The following GAB2 variants were observed in gnomAD, a reference collection of about 807,000 sequenced individuals.
GAB2 encodes the protein GRB2-associated-binding protein 2.
Under a neutral mutation model 65.5 loss-of-function variants are expected in GAB2, and 26 were observed. That is an observed-to-expected ratio of 0.40 (90% CI 0.29 to 0.55). GAB2 has a LOEUF of 0.55. GAB2 is among the 20% of genes least tolerant of loss of function. GAB2 has a pLI of 0.53. For missense variants in GAB2, 884 were observed against 875.8 expected (o/e 1.01, Z -0.12); for synonymous variants, 321 against 329.6 (o/e 0.97, Z 0.28).
rs751134704 is a variant in GAB2 at position 78,222,144 on chromosome 11, G to C, written c.1619C>G (p.Pro540Arg). Residue 540 changes from proline to arginine, a missense_variant, in exon 7 of 10, where the codon CCC becomes CGC. By Grantham distance (103) the Pro-to-Arg change is moderately radical. Transcript: ENST00000361507. Reference sequence around the variant, plus strand: ...AGACTTGGTGATAGGTGACTTGAAGGGGAGTTCATCGATGACGGTGTTGTT... The same window carrying C: ...AGACTTGGTGATAGGTGACTTGAAGCGGAGTTCATCGATGACGGTGTTGTT... ...LRNNTVIDEL[P>R]FKSPITKSWS... 10 of 1,613,950 alleles carry C rather than the reference G, an allele frequency of 6.2e-6. No homozygotes were observed. The East Asian group carries it at 2.2e-4, about 36-fold the overall frequency.
At chr11:78,342,260 G>A (rs1382354185) in intron 1 of GAB2, among the ~76,000 whole-genome samples, 2 of 152,092 alleles carry the variant, frequency 1.3e-5, no homozygotes, top group South Asian at 2.1e-4. Flanking sequence ...TTCTCACATC[G>A]CATTATTCCC....
At chr11:78,384,886 A>T (rs1773058968) in intron 1 of GAB2, among the ~76,000 whole-genome samples, 1 of 152,230 alleles carries the variant, frequency 6.6e-6, no homozygotes, top group South Asian at 2.1e-4. Flanking sequence ...ACCTAAGCTC[A>T]TCTGGCCTGA....
At chr11:78,380,590 A>G (rs1245319406) in intron 1 of GAB2, among the ~76,000 whole-genome samples, 1 of 152,184 alleles carries the variant, frequency 6.6e-6, no homozygotes, top group Admixed American at 6.5e-5. Context: ...CCTCTATAAC[A>G]TTGCCTAAAT....
At chr11:78,321,978 T>A (rs761103082) in intron 1 of GAB2, among the ~76,000 whole-genome samples, 16 of 151,686 alleles carry the variant, frequency 1.1e-4, no homozygotes, top group Non-Finnish European at 1.9e-4. Flanking sequence ...TCATGATACA[T>A]AATTATTAAC....
intron 2 of GAB2, among the ~76,000 whole-genome samples, chr11:78,278,953 C>G (rs1866253110): frequency 6.6e-6 from 1 of 151,644 alleles, no homozygotes; most frequent in African/African-American, 2.4e-5. Flanking sequence ...TCTAGTCTCG[C>G]TATGCTGCCC....
chr11:78,279,261 G>A (rs1008260717), intron 2 of GAB2, among the ~76,000 whole-genome samples: 9 of 152,044 alleles, frequency 5.9e-5, no homozygotes, highest in African/African-American at 1.9e-4. Flanking sequence ...AAATGAAAAC[G>A]CAGAACTTCC....
Position 78,417,659 on chromosome 11 carries a change from T to A in GAB2, c.62A>T (p.Lys21Met). ...GCCCGCACTCACATAGCGCCTCAAC[T>A]TCTTCTCGGGAGGCGATTTCCTCAG... ...GWLRKSPPEK[K>M]LRRYAWKKRW... The change falls in exon 1 of 10, where the codon AAG becomes ATG. Residue 21 changes from lysine to methionine, a missense_variant. Physicochemically the swap from Lys to Met is moderately conservative, Grantham distance 95. Coordinates refer to ENST00000361507, the MANE Select transcript of GAB2 (RefSeq NM_080491.3). 7.3e-7 allele frequency: 1 copy of A among 1,377,284 alleles called. No homozygotes were observed. Among genetic ancestry groups the A allele is most frequent in the Non-Finnish European group, 9.6e-7 (1 of 1,041,454 alleles). The allele number at this position is 1,377,284 out of a possible 1,614,324, so 85.3% of individuals were successfully genotyped here. A position where few individuals can be genotyped will look rare whatever the true frequency, so the allele number is the denominator to read the frequency against.
At chr11:78,413,411 G>A (rs1257080244) in intron 1 of GAB2, among the ~76,000 whole-genome samples, 1 of 152,168 alleles carries the variant, frequency 6.6e-6, no homozygotes, top group Non-Finnish European at 1.5e-5. Context: ...CAAGATAAGA[G>A]GAAGGTGTTT....
intron 1 of GAB2, among the ~76,000 whole-genome samples, chr11:78,305,548 G>A (rs573795356): frequency 6.6e-6 from 1 of 152,242 alleles, no homozygotes; most frequent in Non-Finnish European, 1.5e-5. Context: ...CCACTTAGCA[G>A]GTTCAGAGTT....
rs115058650 is a variant in GAB2 at position 78,405,643 on chromosome 11, C to A, written c.75+12003G>T. Among the ~76,000 whole-genome samples the A allele has an allele frequency of 7.8e-3, 1,193 of 152,242 alleles. 17 individuals are homozygous for A. The highest frequency in any genetic ancestry group is 0.027 in the African/African-American group (1,128 of 41,528). On this transcript the variant is annotated intron_variant, in intron 1 of 9. Coordinates refer to ENST00000361507, the MANE Select transcript of GAB2 (RefSeq NM_080491.3). ...TTTTCCCTATTCCCACCACTAAGTACAACTAAAATCCTTAGATATTACATA... is the reference window on the plus strand; with the variant it reads ...TTTTCCCTATTCCCACCACTAAGTAAAACTAAAATCCTTAGATATTACATA...
intron 2 of GAB2, among the ~76,000 whole-genome samples, chr11:78,259,955 C>T (rs1007844934): frequency 6.6e-6 from 1 of 152,204 alleles, no homozygotes; most frequent in Admixed American, 6.5e-5. Context: ...GAGATCTGGT[C>T]AGGACACTAA....
At chr11:78,335,233 C>G (rs1855978307) in intron 1 of GAB2, among the ~76,000 whole-genome samples, 1 of 152,186 alleles carries the variant, frequency 6.6e-6, no homozygotes, top group Non-Finnish European at 1.5e-5. Flanking sequence ...TGTTCAGAAG[C>G]TTGTTAACTT....
chr11:78,410,263 G>A (rs1857109620), intron 1 of GAB2, among the ~76,000 whole-genome samples: 2 of 152,196 alleles, frequency 1.3e-5, no homozygotes, highest in South Asian at 4.1e-4. Context: ...CAGCACTTTG[G>A]GAGGCCAAAG....
intron 1 of GAB2, among the ~76,000 whole-genome samples, chr11:78,295,112 G>A (rs1866791573): frequency 6.6e-6 from 1 of 152,218 alleles, no homozygotes; most frequent in Non-Finnish European, 1.5e-5. Flanking sequence ...AGACATTTAT[G>A]CAGCCAAAAG....
At chr11:78,301,087 G>C (rs997756293) in intron 1 of GAB2, among the ~76,000 whole-genome samples, 1 of 151,978 alleles carries the variant, frequency 6.6e-6, no homozygotes, top group Non-Finnish European at 1.5e-5. Context: ...TTTGTGATAG[G>C]TCTGTTCAAT....
chr11:78,314,837 T>G (rs1855568839), intron 1 of GAB2, among the ~76,000 whole-genome samples: 1 of 152,228 alleles, frequency 6.6e-6, no homozygotes, highest in Admixed American at 6.5e-5. Flanking sequence ...ACAATGCTAC[T>G]GGGACGCAGA....
At chr11:78,265,314 AT>A (rs1474987980) in intron 2 of GAB2, among the ~76,000 whole-genome samples, 2 of 152,022 alleles carry the variant, frequency 1.3e-5, no homozygotes, top group African/African-American at 2.4e-5. Flanking sequence ...GGAAACTTCG[AT>A]TTTAATTCTA....
intron 1 of GAB2, among the ~76,000 whole-genome samples, chr11:78,340,801 T>G (rs1380028240): frequency 6.6e-6 from 1 of 152,008 alleles, no homozygotes; most frequent in African/African-American, 2.4e-5. Flanking sequence ...TAGGAAAGGG[T>G]GTATCTCTCA....
rs112410404 is a variant in GAB2 at position 78,273,514 on chromosome 11, G to T, written c.376+7087C>A. Among the ~76,000 whole-genome samples the T allele has an allele frequency of 5.2e-3, 789 of 152,340 alleles. 5 individuals carry two copies. Among genetic ancestry groups the T allele is most frequent in the African/African-American group, 0.018 (761 of 41,582 alleles). On this transcript the variant is annotated intron_variant, in intron 2 of 9. Coordinates refer to ENST00000361507, the MANE Select transcript of GAB2 (RefSeq NM_080491.3). ...CCAATTTCTCCCATTTAGAATGGCT[G>T]TATTTACCCAATGCTTGTATCCCCA...
Sources: gnomAD v4.1 joint callset for allele counts (sites outside exome capture counted in the v4.1 genomes callset) on GRCh38, gnomAD v4.1.1 for gene constraint, MANE v1.5 for transcripts, NCBI Gene and HGNC (gene_info 2026-07-23, HGNC 2026-07-21) for gene names.